Variants in COL21A1 observed in about 807,000 individuals in gnomAD.
COL21A1 encodes collagen type XXI alpha 1 chain.
A neutral mutation model predicts 137.9 loss-of-function variants in COL21A1; 149 were observed. The observed-to-expected ratio is 1.08, with a 90% CI of 0.95 to 1.24. The LOEUF is 1.24. COL21A1 is among the 50% of genes most tolerant of loss of function. The probability of loss-of-function intolerance (pLI) is 0.00; values close to 1 mark genes in which losing one functional copy is unlikely to be tolerated. For missense variants in COL21A1, 1,167 were observed against 1,158.4 expected (o/e 1.01, Z -0.11); for synonymous variants, 456 against 391.5 (o/e 1.16, Z -1.95).
intron 16 of COL21A1, among the ~76,000 whole-genome samples, chr6:56,122,638 C>T (rs1772654090): frequency 6.6e-6 from 1 of 152,044 alleles, no homozygotes; most frequent in African/African-American, 2.4e-5. Flanking sequence ...AATTATATAG[C>T]AATATAGCTG....
intron 1 of COL21A1, among the ~76,000 whole-genome samples, chr6:56,189,040 A>G (rs1029245412): frequency 1.3e-5 from 2 of 152,144 alleles, no homozygotes; most frequent in Non-Finnish European, 2.9e-5. Flanking sequence ...GAAAATTCCA[A>G]AAACCAGAAC....
chr6:56,232,624 A>T (rs1781640260), intron 1 of COL21A1, among the ~76,000 whole-genome samples: 1 of 151,984 alleles, frequency 6.6e-6, no homozygotes, highest in South Asian at 2.1e-4. Flanking sequence ...GACTTCGTTC[A>T]TCCTGAAAAA....
chr6:56,155,399 T>G (rs16887614), intron 10 of COL21A1, among the ~76,000 whole-genome samples: 14,786 of 152,194 alleles, frequency 0.097, 774 homozygotes, highest in Middle Eastern at 0.14. Flanking sequence ...CTCAGGAACT[T>G]AAGCAACTCT....
intron 1 of COL21A1, among the ~76,000 whole-genome samples, chr6:56,370,263 C>T (rs1309016402): frequency 6.6e-6 from 1 of 152,194 alleles, no homozygotes; most frequent in Non-Finnish European, 1.5e-5. Context: ...AGATCCCGAT[C>T]TGGAAAAACC....
At chr6:56,073,565 T>C (rs1373687039) in intron 20 of COL21A1, among the ~76,000 whole-genome samples, 1 of 151,506 alleles carries the variant, frequency 6.6e-6, no homozygotes, top group East Asian at 1.9e-4. Flanking sequence ...AGAATCTATT[T>C]GCAAAATAGT....
rs376027281 is a variant in COL21A1, at chr6:56,060,122, G to A, written c.2504C>T (p.Pro835Leu). Reference sequence around the variant, plus strand: ...TCCTCTGGGACCCTCTGGGCCTATCGGACCAGGTGGCCCAGGAATACCCGG... The same window carrying A: ...TCCTCTGGGACCCTCTGGGCCTATCAGACCAGGTGGCCCAGGAATACCCGG... ...GSPGIPGPPGPIGPEGPRGLP... is the reference protein window; with the variant it reads ...GSPGIPGPPGLIGPEGPRGLP... The change falls in exon 28 of 30, where the codon CCG (proline) becomes CTG (leucine). Residue 835 changes from proline (P) to leucine (L), a missense_variant. Transcript: ENST00000244728. 17 of 1,610,474 alleles carry A rather than the reference G, an allele frequency of 1.1e-5. No homozygotes were observed. The African/African-American group carries it at 1.5e-4, about 14-fold the overall frequency.
At chr6:56,147,362 T>A (rs1257867520) in intron 10 of COL21A1, among the ~76,000 whole-genome samples, 1 of 150,400 alleles carries the variant, frequency 6.6e-6, no homozygotes, top group African/African-American at 2.5e-5. Context: ...GGGTTGTTTT[T>A]TGCTTTTTTT....
intron 1 of COL21A1, among the ~76,000 whole-genome samples, chr6:56,186,755 C>T (rs1778335500): frequency 6.6e-6 from 1 of 151,848 alleles, no homozygotes; most frequent in Admixed American, 6.6e-5. Flanking sequence ...ATGGAAAGAC[C>T]CCCGTACTGA....
chr6:56,292,407 G>T (rs139418586), intron 1 of COL21A1, among the ~76,000 whole-genome samples: 1 of 62,534 alleles, frequency 1.6e-5, no homozygotes, highest in Admixed American at 2.3e-4. Context: ...CCCCTCCCCC[G>T]CCAAAGAGAG....
At chr6:56,126,445 G>T in intron 12 of COL21A1, 1 of 287,728 alleles carries the variant, frequency 3.5e-6, no homozygotes, top group Middle Eastern at 1.1e-3. Flanking sequence ...ACAGGGGCAA[G>T]ACACATGAAT....
At chr6:56,107,076 C>T (rs1369836893) in intron 16 of COL21A1, among the ~76,000 whole-genome samples, 1 of 152,134 alleles carries the variant, frequency 6.6e-6, no homozygotes, top group East Asian at 1.9e-4. Context: ...CGTGAGCCAC[C>T]GCGCCCGGCC....
At chr6:56,369,152 C>T in intron 1 of COL21A1, among the ~76,000 whole-genome samples, 1 of 152,034 alleles carries the variant, frequency 6.6e-6, no homozygotes, top group East Asian at 1.9e-4. Context: ...AAATTCAATT[C>T]AAAACACTTA....
intron 18 of COL21A1, 94 bp downstream of exon 18, chr6:56,077,431 TTAAC>T: frequency 1.3e-6 from 1 of 794,674 alleles, no homozygotes; most frequent in South Asian, 1.8e-5. Context: ...ATTTGAAAAA[TTAAC>T]TGTTACCACA....
intron 12 of COL21A1, among the ~76,000 whole-genome samples, chr6:56,138,558 T>C (rs1774174640): frequency 1.3e-5 from 2 of 151,432 alleles, no homozygotes; most frequent in South Asian, 4.2e-4. Context: ...AGAGAAGAAA[T>C]TGTCCCAAGA....
At chr6:56,254,144 C>A (rs1782918524) in intron 1 of COL21A1, among the ~76,000 whole-genome samples, 1 of 152,180 alleles carries the variant, frequency 6.6e-6, no homozygotes, top group Non-Finnish European at 1.5e-5. Flanking sequence ...TTAGGGCTGA[C>A]AGTCCAATTC....
At chr6:56,268,180 C>A (rs905838898) in intron 1 of COL21A1, among the ~76,000 whole-genome samples, 5 of 152,206 alleles carry the variant, frequency 3.3e-5, no homozygotes, top group Admixed American at 1.3e-4. Context: ...GGGTGAAATG[C>A]ATGGGTTCAT....
In COL21A1 at chr6:56,317,816, C is replaced by G. The variant is rs535244476; in HGVS notation, c.-39+76155G>C. Among the ~76,000 whole-genome samples, 36 of 152,260 alleles carry G rather than the reference C, an allele frequency of 2.4e-4. 1 individual carries two copies. The South Asian group carries it at 7.5e-3, about 32-fold the overall frequency. ...CACCATCCCTTGCCGCCTTCATGAT[C>G]CACCTTCCTTCACCTACTTGATCTC... On this transcript the variant is annotated intron_variant, in intron 1 of 28. Coordinates refer to the COL21A1 transcript ENST00000370819.
chr6:56,255,948 G>A (rs1313494250), intron 1 of COL21A1, among the ~76,000 whole-genome samples: 3 of 152,142 alleles, frequency 2.0e-5, no homozygotes, highest in African/African-American at 4.8e-5. Flanking sequence ...GGTCTGCTTG[G>A]CTTAGCTGGA....
At chr6:56,264,691 T>C (rs1189548338) in intron 1 of COL21A1, among the ~76,000 whole-genome samples, 2 of 152,236 alleles carry the variant, frequency 1.3e-5, no homozygotes, top group Non-Finnish European at 2.9e-5. Flanking sequence ...TTATTATGCA[T>C]ATACCTCAAT....
Sources: gnomAD v4.1 joint callset for allele counts (sites outside exome capture counted in the v4.1 genomes callset) on GRCh38, gnomAD v4.1.1 for gene constraint, MANE v1.5 for transcripts, NCBI Gene and HGNC (gene_info 2026-07-23, HGNC 2026-07-21) for gene names.